NOL4: variants seen among roughly 807,000 people sequenced by gnomAD.
NOL4 encodes the protein nucleolar protein 4, also known as cancer/testis antigen 125.
A neutral mutation model predicts 75.9 loss-of-function variants in NOL4; 17 were observed. The ratio of observed to expected loss-of-function variants is 0.22; its 90% CI spans 0.15 to 0.34. The LOEUF is 0.34. Ranked by LOEUF, NOL4 falls within the 10% of genes least tolerant of loss-of-function variation. The pLI is 1.00. For missense variants in NOL4, 614 were observed against 793.5 expected (o/e 0.77, Z 2.72); for synonymous variants, 292 against 289.9 (o/e 1.01, Z -0.07).
chr18:34,163,118 A>G (rs1469961937), intron 1 of NOL4, among the ~76,000 whole-genome samples: 1 of 152,156 alleles, frequency 6.6e-6, no homozygotes, highest in Non-Finnish European at 1.5e-5. Flanking sequence ...TCTATGACAA[A>G]CCCACAGCCA....
At chr18:33,970,006 A>T (rs535722963) in intron 6 of NOL4, among the ~76,000 whole-genome samples, 33 of 152,294 alleles carry the variant, frequency 2.2e-4, no homozygotes, top group African/African-American at 7.7e-4. Flanking sequence ...AATCGCCCAA[A>T]GGACTTGGTA....
chr18:33,992,021 A>T (rs1482900877), intron 6 of NOL4, among the ~76,000 whole-genome samples: 2 of 148,266 alleles, frequency 1.3e-5, no homozygotes, highest in African/African-American at 5.3e-5. Context: ...ATGTGCATAG[A>T]TCTTCTTTAA....
chr18:34,157,041 T>C (rs2030541203), intron 1 of NOL4: 1 of 152,244 alleles, frequency 6.6e-6, no homozygotes. Flanking sequence ...CTGACATGTT[T>C]TTTTTCTCCA....
intron 2 of NOL4, among the ~76,000 whole-genome samples, chr18:34,108,736 C>T (rs1468108355): frequency 2.0e-5 from 3 of 152,066 alleles, no homozygotes; most frequent in African/African-American, 4.8e-5. Context: ...AACAGCAACA[C>T]GTTAACAGCA....
At chr18:34,088,811 C>G (rs935209194) in intron 5 of NOL4, among the ~76,000 whole-genome samples, 3 of 151,862 alleles carry the variant, frequency 2.0e-5, no homozygotes, top group African/African-American at 7.3e-5. Context: ...GCATTTTTTG[C>G]CTTTATGTTT....
chr18:34,134,576 A>G (rs2080814232), intron 1 of NOL4, among the ~76,000 whole-genome samples: 1 of 151,930 alleles, frequency 6.6e-6, no homozygotes, highest in African/African-American at 2.4e-5. Flanking sequence ...CTCACCTTCC[A>G]AAGTAGAACA....
At chr18:34,134,326 C>T (rs944813676) in intron 1 of NOL4, among the ~76,000 whole-genome samples, 3 of 151,634 alleles carry the variant, frequency 2.0e-5, no homozygotes, top group Non-Finnish European at 2.9e-5. Flanking sequence ...AGAGCAACCA[C>T]TAAAATATAA....
chr18:33,984,956 T>C (rs2072312903), intron 6 of NOL4, among the ~76,000 whole-genome samples: 1 of 152,088 alleles, frequency 6.6e-6, no homozygotes, highest in African/African-American at 2.4e-5. Flanking sequence ...GCAATCACAT[T>C]CCCCTTCCCC....
intron 8 of NOL4, among the ~76,000 whole-genome samples, chr18:33,956,505 C>T (rs559132912): frequency 3.5e-4 from 53 of 152,106 alleles, no homozygotes; most frequent in Admixed American, 1.9e-3. Flanking sequence ...GCTTTTATGG[C>T]GCCTTCTCAA....
At chr18:33,936,845 A>G (rs74505935) in intron 9 of NOL4, among the ~76,000 whole-genome samples, 4,571 of 152,256 alleles carry the variant, frequency 0.03, 94 homozygotes, top group Non-Finnish European at 0.045. Flanking sequence ...ACCAGCAAAA[A>G]TAATACACTG....
At chr18:34,063,289 A>T (rs532747447) in intron 5 of NOL4, among the ~76,000 whole-genome samples, 129 of 152,228 alleles carry the variant, frequency 8.5e-4, no homozygotes, top group African/African-American at 2.4e-3. Flanking sequence ...CAAAGGTCTC[A>T]ACACAAGTAC....
At chr18:34,066,872 A>G (rs1001911857) in intron 5 of NOL4, among the ~76,000 whole-genome samples, 4 of 152,230 alleles carry the variant, frequency 2.6e-5, no homozygotes, top group Admixed American at 2.6e-4. Context: ...TAAAACAAAG[A>G]AGGCTCTTCA....
At chr18:34,121,143 A>G (rs1568366651) in intron 2 of NOL4, 1 of 152,238 alleles carries the variant, frequency 6.6e-6, no homozygotes, top group South Asian at 2.1e-4. Flanking sequence ...GAATTCCTAA[A>G]TATTGCATTA....
At chr18:34,092,577 T>C (rs1207528345) in intron 5 of NOL4, among the ~76,000 whole-genome samples, 1 of 152,142 alleles carries the variant, frequency 6.6e-6, no homozygotes, top group Non-Finnish European at 1.5e-5. Context: ...ATAGCAACTG[T>C]CAGAGAAAGC....
At chr18:34,197,735 G>A (rs1279768577) in intron 1 of NOL4, among the ~76,000 whole-genome samples, 4 of 151,928 alleles carry the variant, frequency 2.6e-5, no homozygotes, top group Admixed American at 2.6e-4. Context: ...ATTCCTGGCA[G>A]AGGGAACAAC....
intron 9 of NOL4, among the ~76,000 whole-genome samples, chr18:33,884,244 GTCTC>G (rs918764193): frequency 4.6e-5 from 7 of 151,906 alleles, no homozygotes; most frequent in African/African-American, 1.7e-4. Flanking sequence ...CTTCTCTGTT[GTCTC>G]TCTCTTCCTC....
At chr18:33,869,979 C>G (rs540095611) in intron 10 of NOL4, among the ~76,000 whole-genome samples, 1 of 152,160 alleles carries the variant, frequency 6.6e-6, no homozygotes, top group South Asian at 2.1e-4. Flanking sequence ...TAATGCCTGT[C>G]TCCTCATTTC....
chr18:34,210,065 G>A (rs1252173761), intron 1 of NOL4, among the ~76,000 whole-genome samples: 1 of 152,118 alleles, frequency 6.6e-6, no homozygotes, highest in African/African-American at 2.4e-5. Flanking sequence ...AAGCTGTTCA[G>A]TCACAAGAAG....
chr18:33,883,412 G>T lies in NOL4; in HGVS notation c.1555C>A (p.Pro519Thr). 1 of 1,606,526 alleles carries T rather than the reference G, an allele frequency of 6.2e-7. No homozygotes were observed. Among genetic ancestry groups the T allele is most frequent in the Non-Finnish European group, 8.5e-7 (1 of 1,177,540 alleles). The change falls in exon 10 of 11, where the codon CCA becomes ACA. Residue 519 changes from proline to threonine, a missense_variant. Coordinates refer to ENST00000261592, the MANE Select transcript of NOL4 (RefSeq NM_003787.5). ...TCTGGTTTACACTGTTTGTCAGCTG[G>T]AGCAGACTCATCCTGCAAGGACAGA... ...RLERQQDESA[P>T]ADKQCKPEAT...
Sources: gnomAD v4.1 joint callset for allele counts (sites outside exome capture counted in the v4.1 genomes callset) on GRCh38, gnomAD v4.1.1 for gene constraint, MANE v1.5 for transcripts, NCBI Gene and HGNC (gene_info 2026-07-23, HGNC 2026-07-21) for gene names.